Variants in OSMR observed in about 807,000 individuals in gnomAD.
The protein encoded by OSMR is oncostatin M receptor, also known as oncostatin-M-specific receptor subunit beta.
OSMR carries 81 observed loss-of-function variants against 99.9 expected under a neutral mutation model. The ratio of observed to expected loss-of-function variants is 0.81; its 90% CI spans 0.68 to 0.97. OSMR has a LOEUF of 0.97. Among genes scored for constraint, OSMR ranks in the 50% least tolerant of loss-of-function variants. The pLI, the probability that OSMR is intolerant of heterozygous loss-of-function variation, is 0.00. For missense variants in OSMR, 1,099 were observed against 1,153.4 expected, an observed-to-expected ratio of 0.95 and a Z score of 0.68; for synonymous variants, 406 against 410.4, an observed-to-expected ratio of 0.99 and a Z score of 0.13.
chr5:38,870,176 T>G (rs1394718429), intron 2 of OSMR, among the ~76,000 whole-genome samples: 1 of 152,186 alleles, frequency 6.6e-6, no homozygotes, highest in African/African-American at 2.4e-5. Context: ...AACCATAGTT[T>G]GATGTTAGTC....
At chr5:38,872,486 T>TTA (rs755873869) in intron 2 of OSMR, among the ~76,000 whole-genome samples, 2 of 152,170 alleles carry the variant, frequency 1.3e-5, no homozygotes, top group African/African-American at 4.8e-5. Context: ...AAACAGGCTC[T>TTA]TACAGCATGT....
At position 38,874,189 on chromosome 5, in the gene OSMR, G is replaced by A. The variant is rs547691737; in HGVS notation, c.74-2012G>A. Among the ~76,000 whole-genome samples the A allele has an allele frequency of 5.3e-5, 8 of 151,990 alleles. No homozygotes were observed. The South Asian group carries it at 1.7e-3, about 32-fold the overall frequency. On this transcript the variant is annotated intron_variant, in intron 2 of 17. Coordinates refer to ENST00000274276, the MANE Select transcript of OSMR (RefSeq NM_003999.3). ...CTATATGTTGTCTTTTCACTTTTTT[G>A]TGATTGTTATTTGATGCACAAACTT...
At chr5:38,889,250 T>C (rs1579716266) in intron 7 of OSMR, among the ~76,000 whole-genome samples, 1 of 152,266 alleles carries the variant, frequency 6.6e-6, no homozygotes, top group East Asian at 1.9e-4. Context: ...TGGTATTTGT[T>C]TGGCCGCCTT....
At chr5:38,927,971 G>T (rs903418549) in intron 15 of OSMR, among the ~76,000 whole-genome samples, 1 of 152,142 alleles carries the variant, frequency 6.6e-6, no homozygotes, top group Non-Finnish European at 1.5e-5. Flanking sequence ...GGGGCAAAAT[G>T]CCACCAGTCT....
chr5:38,942,274 T>C, intron 1 of OSMR: 1 of 1,255,528 alleles, frequency 8.0e-7, no homozygotes, highest in Non-Finnish European at 1.1e-6. Flanking sequence ...ATATATATAG[T>C]ATGTATCTAT....
At chr5:38,928,359 G>A (rs1746564625) in intron 15 of OSMR, among the ~76,000 whole-genome samples, 2 of 152,130 alleles carry the variant, frequency 1.3e-5, no homozygotes, top group African/African-American at 2.4e-5. Flanking sequence ...CTGCTATAAA[G>A]AACTGCCCGA....
downstream of OSMR, chr5:38,940,310 T>C (rs1349483925): frequency 4.3e-6 from 1 of 231,526 alleles, no homozygotes; most frequent in Non-Finnish European, 8.6e-6. Flanking sequence ...CCACAGATTT[T>C]TATACTCTAT....
Position 38,904,504 on chromosome 5 carries a change from G to T in OSMR, c.1285+1G>T. 6.2e-7 allele frequency: 1 copy of T among 1,614,120 alleles called. No homozygotes were observed. Among genetic ancestry groups the T allele is most frequent in the South Asian group, 1.1e-5 (1 of 91,084 alleles). ...CAGAACTTCACCACACTTGAAGCTG[G>T]TATGTTCAGCCCCTGGCATTTAACC... is the stretch of plus-strand genomic sequence containing the variant. On this transcript the variant is annotated splice_donor_variant, in intron 9 of 17. Coordinates refer to ENST00000274276, the MANE Select transcript of OSMR (RefSeq NM_003999.3). LOFTEE classifies it high-confidence loss of function.
At chr5:38,861,778 G>A (rs1186286363) in intron 1 of OSMR, among the ~76,000 whole-genome samples, 13 of 149,854 alleles carry the variant, frequency 8.7e-5, no homozygotes, top group Admixed American at 4.6e-4. Context: ...TGGACGGGGC[G>A]GCTGGCCGGG....
chr5:38,899,813 CT>C (rs1356165358), intron 7 of OSMR, among the ~76,000 whole-genome samples: 1 of 152,294 alleles, frequency 6.6e-6, no homozygotes, highest in East Asian at 1.9e-4. Flanking sequence ...ACTCTTCCCC[CT>C]CTTCTCCTCA....
chr5:38,871,298 C>T (rs944796984), intron 2 of OSMR, among the ~76,000 whole-genome samples: 1 of 152,216 alleles, frequency 6.6e-6, no homozygotes, highest in African/African-American at 2.4e-5. Flanking sequence ...CTCATGCTTT[C>T]AGCTTCTTTT....
chr5:38,904,286 G>A (rs1028477695), intron 8 of OSMR, 67 bp from the exon 9 acceptor site: 7 of 1,558,146 alleles, frequency 4.5e-6, no homozygotes, highest in Non-Finnish European at 6.1e-6. Flanking sequence ...GTAATGGGAT[G>A]CACTCACCAA....
intron 3 of OSMR, among the ~76,000 whole-genome samples, chr5:38,879,922 A>C (rs889198742): frequency 2.6e-5 from 4 of 152,192 alleles, no homozygotes; most frequent in Admixed American, 6.5e-5. Context: ...AAAAATATTT[A>C]AGCAAAATGT....
At chr5:38,882,775 C>T (rs1333605546) in intron 4 of OSMR, among the ~76,000 whole-genome samples, 1 of 152,192 alleles carries the variant, frequency 6.6e-6, no homozygotes, top group East Asian at 1.9e-4. Flanking sequence ...GACCTAGTCA[C>T]TTTTTAAAGT....
In OSMR at chr5:38,919,065, G is replaced by A; in HGVS notation, c.1585+3G>A. 15 of 1,613,624 alleles carry A rather than the reference G, an allele frequency of 9.3e-6. No homozygotes were observed. Among genetic ancestry groups the A allele is most frequent in the Non-Finnish European group, 1.3e-5 (15 of 1,179,586 alleles). ...CATCTCTGCAGACCCCGAAAACAGT[G>A]AGTTTGTTTTCATTTTCTTTTGTTT... On this transcript the variant is annotated splice_donor_region_variant and intron_variant, in intron 11 of 17. Coordinates refer to ENST00000274276, the MANE Select transcript of OSMR (RefSeq NM_003999.3).
At position 38,881,601 on chromosome 5, in the gene OSMR, C is replaced by T. The variant is rs775847490; in HGVS notation, c.255C>T (p.Tyr85=). The change falls in exon 4 of 18, where the codon TAC becomes TAT. Residue 85 remains tyrosine, a synonymous_variant. Transcript: ENST00000274276. ...ETSNVIWVGN[Y]STTVKWNQVL... is the part of the protein sequence containing the mutation. Reference sequence around the variant, plus strand: ...TTTCTCTTTGCTTTTAGGGGAATTACAGCACCACTGTGAAGTGGAACCAGG... The same window carrying T: ...TTTCTCTTTGCTTTTAGGGGAATTATAGCACCACTGTGAAGTGGAACCAGG... The T allele has an allele frequency of 6.2e-7, 1 of 1,614,152 alleles. No individual in the cohort carries two copies.
In OSMR at chr5:38,925,281, T is replaced by G. The variant is rs1327565003; in HGVS notation, c.2122T>G (p.Ser708Ala). The G allele has an allele frequency of 6.2e-7, 1 of 1,614,102 alleles. No homozygotes were observed. The highest frequency in any genetic ancestry group is 1.3e-5 in the African/African-American group (1 of 75,020). The change falls in exon 15 of 18, where the codon TCC becomes GCC. Residue 708 changes from serine to alanine, a missense_variant. Physicochemically the swap from Ser to Ala is moderately conservative, Grantham distance 99 (BLOSUM62 1). Transcript: ENST00000274276. ...ALIVDNLKPE[S>A]FYEFFITPFT... is the part of the protein sequence containing the mutation. ...GATTGTGGACAACCTAAAGCCAGAA[T>G]CCTTCTATGAGTTTTTCATCACTCC...
intron 2 of OSMR, among the ~76,000 whole-genome samples, chr5:38,874,707 C>T (rs375972686): frequency 1.3e-5 from 2 of 152,178 alleles, no homozygotes; most frequent in Non-Finnish European, 2.9e-5. Context: ...GCCAATGCTC[C>T]TGTCTTAACA....
chr5:38,862,788 G>C (rs1266296402), intron 1 of OSMR, among the ~76,000 whole-genome samples: 1 of 151,456 alleles, frequency 6.6e-6, no homozygotes, highest in Non-Finnish European at 1.5e-5. Context: ...CTGCAATCTC[G>C]GCACTTTGGG....
Sources: allele counts gnomAD v4.1 joint callset (sites outside exome capture counted in the v4.1 genomes callset), GRCh38; gene constraint gnomAD v4.1.1; transcripts MANE v1.5; gene names NCBI Gene and HGNC (gene_info 2026-07-23, HGNC 2026-07-21).